The following ABL2 variants were observed in gnomAD, a reference collection of about 807,000 sequenced individuals.
The protein encoded by ABL2 is tyrosine-protein kinase ABL2.
ABL2 carries 49 observed loss-of-function variants against 107.7 expected under a neutral mutation model. The ratio of observed to expected loss-of-function variants is 0.45; its 90% confidence interval spans 0.36 to 0.58. The LOEUF (loss-of-function observed/expected upper bound fraction) is 0.58, where lower values mean the gene tolerates loss of function less well. Ranked by LOEUF, ABL2 falls within the 20% of genes least tolerant of loss-of-function variation. The pLI, the probability that ABL2 is intolerant of heterozygous loss-of-function variation, is 0.00. For missense variants in ABL2, 1,245 were observed against 1,457.0 expected (o/e 0.85, Z 2.37); for synonymous variants, 549 against 548.6 (o/e 1.00, Z -0.01).
At chr1:179,112,511 C>T (rs1654190023) in intron 9 of ABL2, 113 bp from the exon 10 acceptor site, 4 of 729,026 alleles carry the variant, frequency 5.5e-6, no homozygotes, top group East Asian at 2.8e-5. Flanking sequence ...AGTACAGTTA[C>T]AGCATGTTCA....
chr1:179,148,824 T>C (rs1023566044), intron 1 of ABL2, among the ~76,000 whole-genome samples: 4 of 148,172 alleles, frequency 2.7e-5, no homozygotes, highest in South Asian at 2.1e-4. Context: ...TGCTTGAACC[T>C]GGGAGGCAGA....
At chr1:179,152,578 G>A (rs991206986) in intron 1 of ABL2, among the ~76,000 whole-genome samples, 1 of 152,128 alleles carries the variant, frequency 6.6e-6, no homozygotes, top group Admixed American at 6.6e-5. Context: ...GTGTTTGTGT[G>A]TAAGTAAATA....
intron 1 of ABL2, among the ~76,000 whole-genome samples, chr1:179,160,255 T>G (rs1658980529): frequency 6.6e-6 from 1 of 152,076 alleles, no homozygotes; most frequent in Non-Finnish European, 1.5e-5. Flanking sequence ...GGCTTACATC[T>G]GCAATCCCAA....
intron 1 of ABL2, among the ~76,000 whole-genome samples, chr1:179,165,835 GC>G (rs1659345718): frequency 1.3e-5 from 2 of 150,580 alleles, no homozygotes; most frequent in Non-Finnish European, 3.0e-5. Context: ...CGCTCTTGTT[GC>G]CCAGGCTGGA....
intron 1 of ABL2, among the ~76,000 whole-genome samples, chr1:179,221,389 G>A (rs544671007): frequency 6.6e-6 from 1 of 152,186 alleles, no homozygotes; most frequent in Non-Finnish European, 1.5e-5. Flanking sequence ...CCAGGAGTTT[G>A]AGACCAGCCA....
rs557882297 is a variant in ABL2, at chr1:179,207,340, C to G, written c.157+21901G>C. 2.6e-5 allele frequency among the ~76,000 whole-genome samples: 4 copies of G among 152,212 alleles called. No homozygotes were observed. The East Asian group carries it at 7.7e-4, about 29-fold the overall frequency. ...CAGAATGTTAGCATTAAAACGACAA[C>G]TATACATTATAAGTCCAGAAGCACA... On this transcript the variant is annotated intron_variant, in intron 1 of 11. Coordinates refer to ENST00000502732, the MANE Select transcript of ABL2 (RefSeq NM_007314.4).
intron 6 of ABL2, 147 bp from the exon 7 acceptor site, chr1:179,118,911 A>G (rs1654914280): frequency 1.2e-6 from 1 of 824,576 alleles, no homozygotes; most frequent in African/African-American, 1.7e-5. Flanking sequence ...GAAATTAATA[A>G]GCAAAAACTA....
At chr1:179,146,738 C>G (rs1382719026) in intron 1 of ABL2, among the ~76,000 whole-genome samples, 1 of 152,186 alleles carries the variant, frequency 6.6e-6, no homozygotes, top group African/African-American at 2.4e-5. Flanking sequence ...CTTGTACTCA[C>G]TCCATCCTGC....
intron 1 of ABL2, among the ~76,000 whole-genome samples, chr1:179,195,508 T>G (rs1661257000): frequency 6.6e-6 from 1 of 152,146 alleles, no homozygotes. Flanking sequence ...TACTGTATGA[T>G]CCAACAATTT....
intron 6 of ABL2, 45 bp downstream of exon 6, chr1:179,120,145 C>A: frequency 3.0e-6 from 4 of 1,331,120 alleles, no homozygotes; most frequent in Non-Finnish European, 3.1e-6. Context: ...GGTTAAAGGG[C>A]AAGCATTTTT....
intron 1 of ABL2, among the ~76,000 whole-genome samples, chr1:179,196,258 T>C (rs1661302238): frequency 1.3e-5 from 2 of 152,242 alleles, no homozygotes; most frequent in African/African-American, 4.8e-5. Context: ...TCTGTGTTTT[T>C]CTATTCAAAA....
chr1:179,108,867 G>C lies in ABL2; in HGVS notation c.2400C>G (p.Thr800=). 1 of 1,614,200 alleles carries C rather than the reference G, an allele frequency of 6.2e-7. No homozygotes were observed. The highest frequency in any genetic ancestry group is 1.3e-5 in the African/African-American group (1 of 75,048). Residue 800 remains threonine, a synonymous_variant, in exon 12 of 12, where the codon ACC becomes ACG. Coordinates refer to ENST00000502732, the MANE Select transcript of ABL2 (RefSeq NM_007314.4). The stretch of plus-strand genomic sequence containing the variant: ...TGGACCTCTGGCAGTTCCTGGGAAG[G>C]GTCATTGCCATCCTATCCTGCTCTG... ...GLPEQDRMAM[T]LPRNCQRSKL... is the part of the protein sequence containing the mutation.
chr1:179,187,434 T>A (rs1005029575), intron 1 of ABL2, among the ~76,000 whole-genome samples: 2 of 152,202 alleles, frequency 1.3e-5, no homozygotes, highest in Non-Finnish European at 2.9e-5. Context: ...TGTCATCTAG[T>A]CAAAATGGGG....
chr1:179,120,791 A>T (rs1655118171), intron 5 of ABL2, among the ~76,000 whole-genome samples: 1 of 152,216 alleles, frequency 6.6e-6, no homozygotes, highest in South Asian at 2.1e-4. Flanking sequence ...CAGGAGGAGC[A>T]AAATTCAGCA....
In ABL2 at chr1:179,126,796, T is replaced by A. The variant is rs1030858073; in HGVS notation, c.392-124A>T. ...AAGAATCTAGAACTTTTATGCCAAA[T>A]TTTTTTTTTAAATAATGAAAACAAA... is the stretch of plus-strand genomic sequence containing the variant. On this transcript the variant is annotated intron_variant, in intron 3 of 11. Transcript: ENST00000502732. This position sits in a 1 kb window ranked among gnomAD's most constrained non-coding sequence, Gnocchi z 4.4. 11 of 850,040 alleles carry A rather than the reference T, an allele frequency of 1.3e-5. No individual in the cohort carries two copies. The Admixed American group carries it at 1.4e-4, about 11-fold the overall frequency. 52.7% of individuals were successfully genotyped at this position (850,040 alleles called of 1,614,324 possible).
At chr1:179,212,131 C>T (rs751924656) in intron 1 of ABL2, among the ~76,000 whole-genome samples, 1 of 152,094 alleles carries the variant, frequency 6.6e-6, no homozygotes, top group Admixed American at 6.6e-5. Flanking sequence ...GGGGAAAGCC[C>T]CTTATAAAAC....
At chr1:179,174,914 TAAAAAA>T (rs200287014) in intron 1 of ABL2, among the ~76,000 whole-genome samples, 2,543 of 110,660 alleles carry the variant, frequency 0.023, 55 homozygotes, top group Middle Eastern at 0.059. Context: ...AAAAATAAAA[TAAAAAA>T]AATAATAATA....
Position 179,110,351 on chromosome 1 carries a change from C to T in ABL2, c.1756G>A (p.Val586Met), listed in dbSNP as rs756233104. Residue 586 changes from valine (V) to methionine (M), a missense_variant, in exon 11 of 12, where the codon GTG becomes ATG. Val to Met is a conservative substitution (Grantham distance 21). This residue lies in a region of ABL2 where 761 missense variants were observed against 766.4 expected (regional missense o/e 0.99). Transcript: ENST00000502732. Reference protein sequence around the residue: ...PSKTRTLKKQVENKENIEGAQ... With the variant: ...PSKTRTLKKQMENKENIEGAQ... ...CCTTCAATGTTCTCCTTGTTCTCCA[C>T]CTGTTTCTTCAGTGTCCGAGTCTTG... The T allele has an allele frequency of 8.1e-6, 13 of 1,614,084 alleles. No homozygotes were observed. The highest frequency in any genetic ancestry group is 1.0e-5 in the Non-Finnish European group (12 of 1,180,044).
Position 179,107,058 on chromosome 1 carries a change from A to C in ABL2, c.*660T>G, listed in dbSNP as rs1653515615. 4.3e-6 allele frequency: 1 copy of C among 230,040 alleles called. No homozygotes were observed. The highest frequency in any genetic ancestry group is 2.2e-5 in the African/African-American group (1 of 45,160). The allele number at this position is 230,040 out of a possible 1,614,324, so 14.2% of individuals were successfully genotyped here. A position where few individuals can be genotyped will look rare whatever the true frequency, so the allele number is the denominator to read the frequency against. ...CTGTGTAAGATTTTAGAAGGTTTTC[A>C]ATTTCTGATTCAACTTTCCAGCATT... On this transcript the variant is annotated 3_prime_UTR_variant, in exon 12 of 12. Coordinates refer to ENST00000502732, the MANE Select transcript of ABL2 (RefSeq NM_007314.4).
Sources: allele counts gnomAD v4.1 joint callset (sites outside exome capture counted in the v4.1 genomes callset), GRCh38; gene constraint gnomAD v4.1.1; regional missense constraint gnomAD v4.1.1; non-coding constraint Gnocchi (gnomAD v3.1); transcripts MANE v1.5; gene names NCBI Gene and HGNC (gene_info 2026-07-23, HGNC 2026-07-21).